EIF4B: variants seen among roughly 807,000 people sequenced by gnomAD.
The protein encoded by EIF4B is eukaryotic translation initiation factor 4B.
A neutral mutation model predicts 79.3 loss-of-function variants in EIF4B; 8 were observed. The ratio of observed to expected loss-of-function variants is 0.10; its 90% CI spans 0.06 to 0.18. The LOEUF is 0.18. Among genes scored for constraint, EIF4B ranks in the 10% least tolerant of loss-of-function variants. The pLI is 1.00. For synonymous variants in EIF4B, 238 were observed against 274.7 expected (o/e 0.87, Z 1.32); for missense variants, 515 against 792.4 (o/e 0.65, Z 4.20).
intron 1 of EIF4B, among the ~76,000 whole-genome samples, chr12:53,013,223 T>C (rs752397628): frequency 9.2e-5 from 14 of 152,172 alleles, no homozygotes; most frequent in Non-Finnish European, 2.1e-4. Flanking sequence ...TTATTCAGAT[T>C]GTTAATGTTC....
At chr12:53,039,979 G>C in intron 14 of EIF4B, 164 bp from the exon 15 acceptor site, 1 of 785,292 alleles carries the variant, frequency 1.3e-6, no homozygotes, top group Non-Finnish European at 2.1e-6. Flanking sequence ...ATGTGCCTCT[G>C]ACCCTCTTCC....
chr12:53,022,037 TCA>T, intron 5 of EIF4B, 177 bp downstream of exon 5: 2 of 712,050 alleles, frequency 2.8e-6, no homozygotes, highest in Non-Finnish European at 2.4e-6. Flanking sequence ...ATTGTAGTTG[TCA>T]CAATTGGAGG....
intron 6 of EIF4B, among the ~76,000 whole-genome samples, chr12:53,027,568 A>AT: frequency 6.6e-6 from 1 of 152,240 alleles, no homozygotes; most frequent in South Asian, 2.1e-4. Flanking sequence ...CCTTCTGGAA[A>AT]TTCATTATGG....
rs576649233 is a variant in EIF4B, at chr12:53,037,511, C to T, written c.1409C>T (p.Pro470Leu). 3.8e-5 allele frequency: 61 copies of T among 1,613,908 alleles called. No individual in the cohort carries two copies. In the South Asian group the frequency reaches 6.4e-4, roughly 17 times the overall value. ...PTSKPPKPDQ[P>L]LKVMPAPPPK... ...TCTAAACCTCCCAAACCTGATCAGC[C>T]CCTAAAGGTAATGCCAGCCCCTCCA... Residue 470 changes from proline (P) to leucine (L), a missense_variant, in exon 11 of 15, where the codon CCC (proline) becomes CTC (leucine). By Grantham distance (98) the Pro-to-Leu change is moderately conservative. Transcript: ENST00000262056.
intron 1 of EIF4B, 116 bp from the exon 2 acceptor site, chr12:53,016,357 C>T: frequency 7.4e-7 from 1 of 1,357,920 alleles, no homozygotes. Context: ...ATAATTTAAC[C>T]ATTTGAGGAG....
At chr12:53,022,026 C>T (rs1185961533) in intron 5 of EIF4B, 166 bp downstream of exon 5, 24 of 756,672 alleles carry the variant, frequency 3.2e-5, no homozygotes, top group Admixed American at 1.8e-4. Flanking sequence ...TGTTTGAAGA[C>T]ATTGTAGTTG....
rs557232205 is a variant in EIF4B at position 53,008,187 on chromosome 12, CT to C, written c.13+1695del. 8.5e-5 allele frequency among the ~76,000 whole-genome samples: 13 copies of C among 152,292 alleles called. No homozygotes were observed. In the East Asian group the frequency reaches 2.3e-3, roughly 27 times the overall value. ...GTGAAGAAAATCTGTGTTTTCTTAACTTTTGTGTAATTTTTAGAGGCGGAAC... is the reference window on the plus strand; with the variant it reads ...GTGAAGAAAATCTGTGTTTTCTTAACTTTGTGTAATTTTTAGAGGCGGAAC... On this transcript the variant is annotated intron_variant, in intron 1 of 14. Transcript: ENST00000262056.
chr12:53,034,695 C>A lies in EIF4B; in HGVS notation c.1292C>A (p.Thr431Asn). 6.2e-7 allele frequency: 1 copy of A among 1,614,004 alleles called. No homozygotes were observed. The highest frequency in any genetic ancestry group is 8.5e-7 in the Non-Finnish European group (1 of 1,179,890). Residue 431 changes from threonine (T) to asparagine (N), a missense_variant, in exon 10 of 15, where the codon ACC becomes AAC. This residue lies in a region of EIF4B where 146 missense variants were observed against 228.0 expected (regional missense o/e 0.64). Transcript: ENST00000262056. The part of the protein sequence containing the change: ...GSESSQTGTS[T>N]TSSRNARRRE... ...GAGTCATCACAAACTGGGACCTCCA[C>A]CACATCTAGCAGAAGTAAGTCAGAC...
intron 8 of EIF4B, among the ~76,000 whole-genome samples, chr12:53,032,052 ACTGC>A (rs3075779): frequency 0.8 from 122,104 of 151,754 alleles, 51,200 homozygotes; most frequent in Non-Finnish European, 0.93. Flanking sequence ...AAGAAATCAG[ACTGC>A]CTGCCTTAAG....
intron 1 of EIF4B, among the ~76,000 whole-genome samples, chr12:53,016,095 T>C (rs1943145271): frequency 6.6e-6 from 1 of 152,216 alleles, no homozygotes; most frequent in African/African-American, 2.4e-5. Context: ...GAATTTTTAT[T>C]GATCTTTTTT....
Position 53,040,930 on chromosome 12 carries a change from G to A in EIF4B, c.*707G>A, listed in dbSNP as rs1031326170. ...GGAAGTGATGAGTCATTTTGCACCAGGTAATAGGGGAAAATTGTGTGACCT... is the reference window on the plus strand; with the variant it reads ...GGAAGTGATGAGTCATTTTGCACCAAGTAATAGGGGAAAATTGTGTGACCT... On this transcript the variant is annotated 3_prime_UTR_variant, in exon 15 of 15. Coordinates refer to ENST00000262056, the MANE Select transcript of EIF4B (RefSeq NM_001417.7). The A allele has an allele frequency of 3.9e-5, 6 of 152,146 alleles. No homozygotes were observed. Among genetic ancestry groups the A allele is most frequent in the African/African-American group, 1.4e-4 (6 of 41,432 alleles). The allele number at this position is 152,146 out of a possible 1,614,324, so 9.4% of individuals were successfully genotyped here.
At chr12:53,008,356 T>A (rs554144777) in intron 1 of EIF4B, among the ~76,000 whole-genome samples, 1 of 152,202 alleles carries the variant, frequency 6.6e-6, no homozygotes, top group South Asian at 2.1e-4. Context: ...TTAATTCACT[T>A]CAGTAAATCT....
Position 53,027,911 on chromosome 12 carries a change from A to G in EIF4B, c.797A>G (p.Tyr266Cys). The G allele has an allele frequency of 2.5e-6, 4 of 1,614,042 alleles. No individual in the cohort carries two copies. The Middle Eastern group carries it at 5.0e-4, about 200-fold the overall frequency. The change falls in exon 7 of 15, where the codon TAT becomes TGT. Residue 266 changes from tyrosine to cysteine, a missense_variant. Physicochemically the swap from Tyr to Cys is radical, Grantham distance 194. Around this residue, in one of 6 missense-constraint regions of EIF4B, gnomAD observed 187 missense variants for 256.5 expected, o/e 0.73. Transcript: ENST00000262056. ...TATGATGACCGAGGCAGCAGAGACT[A>G]TGATAGAGGTAATTGTAAAACATGT... ...DRYDDRGSRD[Y>C]DRGYDSRIGS...
At chr12:53,028,798 C>A (rs1384263862) in intron 8 of EIF4B, among the ~76,000 whole-genome samples, 1 of 152,040 alleles carries the variant, frequency 6.6e-6, no homozygotes, top group Non-Finnish European at 1.5e-5. Flanking sequence ...TAAACATAGT[C>A]CTGTAGCCCA....
chr12:53,018,218 A>G (rs1943179075), intron 2 of EIF4B, among the ~76,000 whole-genome samples: 1 of 152,126 alleles, frequency 6.6e-6, no homozygotes, highest in African/African-American at 2.4e-5. Context: ...CTCAAACCTG[A>G]CCTCAGGTGA....
chr12:53,019,431 ATATATATTTTTTTTTTTTCTTTTTTTT>A lies in EIF4B; in HGVS notation c.360+427_361-451del, dbSNP rs1298384505. On this transcript the variant is annotated intron_variant, in intron 3 of 14. Coordinates refer to ENST00000262056, the MANE Select transcript of EIF4B (RefSeq NM_001417.7). ...AAAAAATAAAATCAAAATTATATAT[ATATATATTTTTTTTTTTTCTTTTTTTT>A]TTTTTTTTTTTTTTTTGAGACAGAG... Among the ~76,000 whole-genome samples, 5 of 35,208 alleles carry A rather than the reference ATATATATTTTTTTTTTTTCTTTTTTTT, an allele frequency of 1.4e-4. No individual in the cohort carries two copies. In the Admixed American group the frequency reaches 2.3e-3, roughly 16 times the overall value. The allele number at this position is 35,208 out of a possible 152,430, so 23.1% of individuals were successfully genotyped here.
intron 8 of EIF4B, among the ~76,000 whole-genome samples, chr12:53,031,619 C>T (rs1943448354): frequency 6.6e-6 from 1 of 152,150 alleles, no homozygotes; most frequent in African/African-American, 2.4e-5. Flanking sequence ...TTTTTCTGAG[C>T]CCCTATTTTA....
chr12:53,022,480 A>G lies in EIF4B; in HGVS notation c.533-13A>G. On this transcript the variant is annotated splice_polypyrimidine_tract_variant and intron_variant, in intron 5 of 14. Coordinates refer to ENST00000262056, the MANE Select transcript of EIF4B (RefSeq NM_001417.7). The stretch of plus-strand genomic sequence containing the variant: ...TGAGATAACTTACGGTTTTTGTTTT[A>G]ATGTATCTGTAGACAGGGATGATCG... 6.2e-7 allele frequency: 1 copy of G among 1,610,152 alleles called. No individual in the cohort carries two copies.
chr12:53,027,923 A>G lies in EIF4B; in HGVS notation c.805+4A>G. On this transcript the variant is annotated splice_donor_region_variant and intron_variant, in intron 7 of 14. Coordinates refer to ENST00000262056, the MANE Select transcript of EIF4B (RefSeq NM_001417.7). ...GGCAGCAGAGACTATGATAGAGGTAATTGTAAAACATGTCGAATTGCTCTT... is the reference window on the plus strand; with the variant it reads ...GGCAGCAGAGACTATGATAGAGGTAGTTGTAAAACATGTCGAATTGCTCTT... 1 of 1,612,748 alleles carries G rather than the reference A, an allele frequency of 6.2e-7. No individual in the cohort carries two copies. Among genetic ancestry groups the G allele is most frequent in the Non-Finnish European group, 8.5e-7 (1 of 1,179,080 alleles).
Sources: allele counts gnomAD v4.1 joint callset (sites outside exome capture counted in the v4.1 genomes callset), GRCh38; gene constraint gnomAD v4.1.1; regional missense constraint gnomAD v4.1.1; transcripts MANE v1.5; gene names NCBI Gene and HGNC (gene_info 2026-07-23, HGNC 2026-07-21).